MCM3AP: variants seen among roughly 807,000 people sequenced by gnomAD.
MCM3AP encodes the protein germinal-center associated nuclear protein.
A neutral mutation model predicts 184.1 loss-of-function variants in MCM3AP; 126 were observed. That is an observed-to-expected ratio of 0.68 (90% CI 0.59 to 0.79). The LOEUF (loss-of-function observed/expected upper bound fraction) is 0.79. Among genes scored for constraint, MCM3AP ranks in the 30% least tolerant of loss-of-function variants. The pLI, the probability that MCM3AP is intolerant of heterozygous loss-of-function variation, is 0.00. For missense variants in MCM3AP, 2,496 were observed against 2,479.2 expected (o/e 1.01, Z -0.14); for synonymous variants, 1,002 against 979.3 (o/e 1.02, Z -0.43).
chr21:46,283,817 G>A lies in MCM3AP; in HGVS notation c.1241C>T (p.Ala414Val), dbSNP rs895345682. The A allele has an allele frequency of 1.9e-6, 3 of 1,613,210 alleles. No individual in the cohort carries two copies. Among genetic ancestry groups the A allele is most frequent in the South Asian group, 1.1e-5 (1 of 91,052 alleles). ...GCTCTCGCTTCTGTTACTCTGACGC[G>A]CCGGAGTTCCTCTTAGAGAATCTAG... is the stretch of plus-strand genomic sequence containing the variant. ...KKEDSLRGTP[A>V]RQSNRSESTD... Residue 414 changes from alanine (A) to valine (V), a missense_variant, in exon 2 of 28, where the codon GCG becomes GTG. Coordinates refer to ENST00000291688, the MANE Select transcript of MCM3AP (RefSeq NM_003906.5).
chr21:46,237,501 C>T (rs1462013677), intron 26 of MCM3AP, among the ~76,000 whole-genome samples: 1 of 121,584 alleles, frequency 8.2e-6, no homozygotes, highest in Non-Finnish European at 1.8e-5. Context: ...ACCTCCCAAG[C>T]TCAAATGATC....
chr21:46,250,503 C>T (rs889228025), intron 20 of MCM3AP: 5 of 152,242 alleles, frequency 3.3e-5, no homozygotes, highest in Non-Finnish European at 5.9e-5. Context: ...TATAAACACA[C>T]TCAGACTTCC....
intron 20 of MCM3AP, chr21:46,249,760 T>C (rs2080839465): frequency 5.9e-6 from 2 of 338,534 alleles, no homozygotes; most frequent in South Asian, 4.6e-5. Flanking sequence ...CTGTGCAGTC[T>C]GTGTTTGCAC....
chr21:46,267,410 A>T, intron 9 of MCM3AP: 1 of 429,174 alleles, frequency 2.3e-6, no homozygotes, highest in South Asian at 3.0e-5. Flanking sequence ...AAATCATGAA[A>T]CAAACTGTCC....
rs374368931 is a variant in MCM3AP at position 46,265,971 on chromosome 21, G to A, written c.2985C>T (p.Ala995=). 2.8e-5 allele frequency: 45 copies of A among 1,602,684 alleles called. No individual in the cohort carries two copies. Among genetic ancestry groups the A allele is most frequent in the Admixed American group, 8.4e-5 (5 of 59,524 alleles). The change falls in exon 11 of 28, where the codon GCC becomes GCT. Residue 995 remains alanine (A), a synonymous_variant. Transcript: ENST00000291688. ...SQNKYIGESL[A]AELPVSTQRP... ...TCTGGGTGCTGACGGGCAGCTCCGCGGCCAGGCTCTCCCCGATGTACTTGT... is the reference window on the plus strand; with the variant it reads ...TCTGGGTGCTGACGGGCAGCTCCGCAGCCAGGCTCTCCCCGATGTACTTGT...
At chr21:46,270,628 G>A (rs1404078808) in intron 8 of MCM3AP, 65 bp from the exon 9 acceptor site, 1 of 1,327,442 alleles carries the variant, frequency 7.5e-7, no homozygotes, top group African/African-American at 1.5e-5. Flanking sequence ...TTTTCATGAA[G>A]ATAGATCTGA....
chr21:46,246,894 A>G lies in MCM3AP; in HGVS notation c.4291-8T>C, dbSNP rs2080782086. The G allele has an allele frequency of 6.2e-7, 1 of 1,612,794 alleles. No individual in the cohort carries two copies. The highest frequency in any genetic ancestry group is 1.7e-5 in the Admixed American group (1 of 59,990). ...GAGGGCGCCATGGGCCACCTGCAAC[A>G]GCATCAAGATCATCAGGAGAGATGC... On this transcript the variant is annotated splice_polypyrimidine_tract_variant and splice_region_variant and intron_variant, in intron 20 of 27. Coordinates refer to ENST00000291688, the MANE Select transcript of MCM3AP (RefSeq NM_003906.5).
rs561352922 is a variant in MCM3AP, at chr21:46,259,222, G to A, written c.3582-131C>T. On this transcript the variant is annotated intron_variant, in intron 15 of 27. Transcript: ENST00000291688. The stretch of plus-strand genomic sequence containing the variant: ...TGTAATCCCAGCACTTTGGAAGGCC[G>A]AAGCGGGTGGATCATGAGGTCAAGA... 3.6e-4 allele frequency: 273 copies of A among 765,780 alleles called. 1 individual carries two copies. The Middle Eastern group carries it at 4.8e-3, about 13-fold the overall frequency. The allele number at this position is 765,780 out of a possible 1,614,324, so 47.4% of individuals were successfully genotyped here.
At chr21:46,273,103 T>G (rs1181985834) in intron 7 of MCM3AP, among the ~76,000 whole-genome samples, 2 of 151,922 alleles carry the variant, frequency 1.3e-5, no homozygotes. Flanking sequence ...GCCGCTCGAG[T>G]AGCTGGGACT....
rs17176646 is a variant in MCM3AP, at chr21:46,256,640, T to C, written c.3932+149A>G. 56 of 952,036 alleles carry C rather than the reference T, an allele frequency of 5.9e-5. No homozygotes were observed. The African/African-American group carries it at 8.9e-4, about 15-fold the overall frequency. 59.0% of individuals were successfully genotyped at this position (952,036 alleles called of 1,614,324 possible). On this transcript the variant is annotated intron_variant, in intron 17 of 27. Transcript: ENST00000291688. The stretch of plus-strand genomic sequence containing the variant: ...GGAGACAACCTTCAAAATGCAACCC[T>C]GTGCCTGTCCTCGCCTCCAGGCTTC...
rs1286913331 is a variant in MCM3AP, at chr21:46,285,381, G to T, written c.-95C>A. On this transcript the variant is annotated 5_prime_UTR_variant, in exon 1 of 28. Coordinates refer to ENST00000291688, the MANE Select transcript of MCM3AP (RefSeq NM_003906.5). ...CTGTAGCACTAGGGAGTTCCCCTTC[G>T]TCTTTAGAACAAGCTGAAAGAGAAA... The T allele has an allele frequency of 7.6e-6, 6 of 788,330 alleles. No individual in the cohort carries two copies. The highest frequency in any genetic ancestry group is 1.3e-5 in the Non-Finnish European group (6 of 473,746). 48.8% of individuals were successfully genotyped at this position (788,330 alleles called of 1,614,324 possible). A position where few individuals can be genotyped will look rare whatever the true frequency, so the allele number is the denominator to read the frequency against.
Position 46,238,716 on chromosome 21 carries a change from GA to G in MCM3AP, c.5634-1738del, listed in dbSNP as rs1036667013. ...GAGCGAGACTCTATCTAATAAAAAG[GA>G]AAAAAAAATCTCATCCCAAACCACT... is the stretch of plus-strand genomic sequence containing the variant. On this transcript the variant is annotated intron_variant, in intron 26 of 27. Coordinates refer to ENST00000291688, the MANE Select transcript of MCM3AP (RefSeq NM_003906.5). Among the ~76,000 whole-genome samples the G allele has an allele frequency of 5.6e-4, 30 of 53,464 alleles. 8 individuals carry two copies. In the Admixed American group the frequency reaches 6.4e-3, roughly 11 times the overall value. The allele number at this position is 53,464 out of a possible 152,430, so 35.1% of individuals were successfully genotyped here.
chr21:46,277,449 G>C (rs1601542082), intron 5 of MCM3AP, 78 bp downstream of exon 5: 1 of 1,125,094 alleles, frequency 8.9e-7, no homozygotes, highest in African/African-American at 1.6e-5. Flanking sequence ...CCAATGGAAA[G>C]GAGTTGCTCC....
intron 9 of MCM3AP, 137 bp downstream of exon 9, chr21:46,270,264 C>T: frequency 1.3e-6 from 1 of 784,370 alleles, no homozygotes; most frequent in Non-Finnish European, 2.1e-6. Flanking sequence ...ACCGGTAACC[C>T]CTTCGTGGGG....
intron 15 of MCM3AP, among the ~76,000 whole-genome samples, chr21:46,259,783 G>A (rs1464043710): frequency 6.6e-6 from 1 of 151,630 alleles, no homozygotes; most frequent in Non-Finnish European, 1.5e-5. Context: ...ATATTGGCAG[G>A]CTCCTGTAGT....
chr21:46,266,275 G>A, intron 10 of MCM3AP, 109 bp from the exon 11 acceptor site: 1 of 1,238,024 alleles, frequency 8.1e-7, no homozygotes, highest in South Asian at 1.8e-5. Flanking sequence ...CCACAGCCAT[G>A]TGTAAATAAC....
intron 2 of MCM3AP, among the ~76,000 whole-genome samples, chr21:46,283,185 C>T (rs1569083772): frequency 6.6e-6 from 1 of 152,184 alleles, no homozygotes; most frequent in African/African-American, 2.4e-5. Context: ...TTGGCCTCCC[C>T]AGGTGCTGGG....
At chr21:46,266,662 T>C in intron 10 of MCM3AP, 2 of 327,494 alleles carry the variant, frequency 6.1e-6, no homozygotes, top group Non-Finnish European at 1.1e-5. Flanking sequence ...CCGTCAGAGG[T>C]TGTCCGTCAT....
intron 9 of MCM3AP, 118 bp downstream of exon 9, chr21:46,270,283 A>G (rs1309532293): frequency 3.2e-6 from 3 of 944,964 alleles, no homozygotes; most frequent in East Asian, 2.5e-5. Flanking sequence ...GGCTGCTGCA[A>G]GGGTGACACA....
Sources: gnomAD v4.1 joint callset for allele counts (sites outside exome capture counted in the v4.1 genomes callset) on GRCh38, gnomAD v4.1.1 for gene constraint, MANE v1.5 for transcripts, NCBI Gene and HGNC (gene_info 2026-07-23, HGNC 2026-07-21) for gene names.